Variants in RAE1 observed in about 807,000 individuals in gnomAD.
RAE1 encodes the protein ribonucleic acid export 1.
A neutral mutation model predicts 52.7 loss-of-function variants in RAE1; 13 were observed. The ratio of observed to expected loss-of-function variants is 0.25; its 90% CI spans 0.16 to 0.39. The LOEUF (loss-of-function observed/expected upper bound fraction) is 0.39, where lower values mean the gene tolerates loss of function less well. RAE1 is among the 10% of genes least tolerant of loss of function. The pLI, the probability that RAE1 is intolerant of heterozygous loss-of-function variation, is 1.00. For synonymous variants in RAE1, 164 were observed against 153.1 expected (o/e 1.07, Z -0.52); for missense variants, 262 against 459.8 (o/e 0.57, Z 3.93).
intron 1 of RAE1, 149 bp downstream of exon 1, chr20:57,351,571 G>T: frequency 1.0e-6 from 1 of 985,492 alleles, no homozygotes. Flanking sequence ...TGGAAGCGAG[G>T]TCAGAGCTGG....
In RAE1 at chr20:57,374,711, T is replaced by C. The variant is rs769728902; in HGVS notation, c.930T>C (p.Thr310=). 1 of 1,614,064 alleles carries C rather than the reference T, an allele frequency of 6.2e-7. No homozygotes were observed. The highest frequency in any genetic ancestry group is 1.3e-5 in the African/African-American group (1 of 74,912). ...AAGATGCCAGAACAAAACTAAAAAC[T>C]TCGGAACAGTTAGATCAGCCCATCT... ...WDKDARTKLK[T]SEQLDQPISA... The change falls in exon 11 of 12, where the codon ACT becomes ACC. Residue 310 remains threonine (T), a synonymous_variant. Transcript: ENST00000395841.
chr20:57,373,766 T>C, intron 10 of RAE1, 28 bp downstream of exon 10: 1 of 1,598,586 alleles, frequency 6.3e-7, no homozygotes, highest in Non-Finnish European at 8.6e-7. Flanking sequence ...TTAACCGTGG[T>C]AATACATCTG....
At chr20:57,358,181 G>A (rs937976165) in intron 4 of RAE1, 6 of 152,182 alleles carry the variant, frequency 3.9e-5, no homozygotes, top group African/African-American at 1.4e-4. Flanking sequence ...TAGATGTTAA[G>A]GGCCGCGAGG....
chr20:57,366,932 G>C (rs775358745), intron 6 of RAE1, 39 bp downstream of exon 6: 2 of 1,588,054 alleles, frequency 1.3e-6, no homozygotes, highest in East Asian at 4.5e-5. Flanking sequence ...GCCCCATCAG[G>C]ATTGTCATTT....
At chr20:57,362,625 T>C (rs1193412585) in intron 4 of RAE1, among the ~76,000 whole-genome samples, 1 of 152,180 alleles carries the variant, frequency 6.6e-6, no homozygotes, top group African/African-American at 2.4e-5. Flanking sequence ...CTAAGTTTCA[T>C]AGCATCTAGT....
intron 1 of RAE1, among the ~76,000 whole-genome samples, chr20:57,353,085 C>G (rs2066734285): frequency 6.6e-6 from 1 of 152,204 alleles, no homozygotes; most frequent in Non-Finnish European, 1.5e-5. Flanking sequence ...GCAAGGATGT[C>G]ACTCAGCCAT....
At position 57,366,815 on chromosome 20, in the gene RAE1, T is replaced by C. The variant is rs765694379; in HGVS notation, c.384T>C (p.Ala128=). ...NQAIQIAQHD[A]PVKTIHWIKA... is the part of the protein sequence containing the mutation. ...TTTTGTCTTGTTGAAAGCATGATGC[T>C]CCTGTTAAAACCATCCATTGGATCA... The change falls in exon 6 of 12, where the codon GCT becomes GCC. Residue 128 remains alanine (A), a synonymous_variant. Transcript: ENST00000395841. 2.5e-6 allele frequency: 4 copies of C among 1,611,960 alleles called. No homozygotes were observed. Among genetic ancestry groups the C allele is most frequent in the Non-Finnish European group, 3.4e-6 (4 of 1,178,106 alleles).
intron 10 of RAE1, 144 bp from the exon 11 acceptor site, chr20:57,374,463 G>GT (rs2067081627): frequency 1.2e-6 from 1 of 803,030 alleles, no homozygotes; most frequent in Non-Finnish European, 2.0e-6. Context: ...AGCCTGGATA[G>GT]TTTCTCTTGC....
intron 3 of RAE1, among the ~76,000 whole-genome samples, chr20:57,355,300 TG>T (rs1207519139): frequency 6.6e-6 from 1 of 152,188 alleles, no homozygotes; most frequent in Non-Finnish European, 1.5e-5. Context: ...AAGCAAAGGG[TG>T]TAAAGAGGGA....
chr20:57,371,504 A>G (rs1232374397), intron 8 of RAE1: 1 of 152,262 alleles, frequency 6.6e-6, no homozygotes, highest in East Asian at 1.9e-4. Flanking sequence ...CAAAAACCAC[A>G]GTGAGATACC....
chr20:57,354,194 G>A, intron 2 of RAE1, 66 bp downstream of exon 2: 8 of 1,417,692 alleles, frequency 5.6e-6, no homozygotes, highest in Non-Finnish European at 7.9e-6. Flanking sequence ...ATCAAGGACA[G>A]AACCCGAGAT....
intron 8 of RAE1, among the ~76,000 whole-genome samples, chr20:57,369,352 G>C (rs1396047038): frequency 2.6e-5 from 4 of 152,132 alleles, no homozygotes. Flanking sequence ...TTGTTAATGT[G>C]GAGGAAACCC....
At chr20:57,366,776 T>C (rs763659439) in intron 5 of RAE1, 31 bp from the exon 6 acceptor site, 1 of 1,556,224 alleles carries the variant, frequency 6.4e-7, no homozygotes, top group South Asian at 1.1e-5. Flanking sequence ...TACATTTACC[T>C]TGATCTGTTT....
At chr20:57,375,747 C>T (rs1230653383) in intron 11 of RAE1, among the ~76,000 whole-genome samples, 1 of 152,210 alleles carries the variant, frequency 6.6e-6, no homozygotes, top group Non-Finnish European at 1.5e-5. Context: ...CAGCTGTACT[C>T]AGAGTCCCTG....
rs767919374 is a variant in RAE1, at chr20:57,354,001, C to G, written c.-7-31C>G. On this transcript the variant is annotated intron_variant, in intron 1 of 11. Transcript: ENST00000395841. ...GCCTCTCAGTGATATTAAGAGAAAA[C>G]CCATCCTTAACATTTTTCATTACTT... The G allele has an allele frequency of 1.9e-6, 3 of 1,570,320 alleles. No individual in the cohort carries two copies. In the African/African-American group the frequency reaches 4.1e-5, roughly 21 times the overall value.
intron 1 of RAE1, 100 bp downstream of exon 1, chr20:57,351,522 C>G (rs2066708394): frequency 3.0e-6 from 3 of 985,320 alleles, no homozygotes; most frequent in African/African-American, 1.7e-5. Flanking sequence ...GATGCTGGGG[C>G]GCGAGCGGGA....
chr20:57,355,631 A>G (rs948657165), intron 3 of RAE1, among the ~76,000 whole-genome samples: 5 of 152,248 alleles, frequency 3.3e-5, no homozygotes, highest in Admixed American at 3.3e-4. Flanking sequence ...CAGCCAAAGC[A>G]CTGTGAACTT....
intron 4 of RAE1, chr20:57,358,981 A>G (rs2146139391): frequency 6.7e-7 from 1 of 1,503,220 alleles, no homozygotes. Flanking sequence ...CCGCCTCTTC[A>G]CGGATAGATC....
intron 8 of RAE1, 32 bp from the exon 9 acceptor site, chr20:57,373,443 G>A: frequency 1.3e-6 from 2 of 1,584,336 alleles, no homozygotes; most frequent in Non-Finnish European, 1.7e-6. Context: ...ATATTATGCT[G>A]TGATTATGTC....
Sources: allele counts gnomAD v4.1 joint callset (sites outside exome capture counted in the v4.1 genomes callset), GRCh38; gene constraint gnomAD v4.1.1; transcripts MANE v1.5; gene names NCBI Gene and HGNC (gene_info 2026-07-23, HGNC 2026-07-21).